Variants in FOCAD observed in about 807,000 individuals in gnomAD.
The protein encoded by FOCAD is focadhesin.
A neutral mutation model predicts 225.6 loss-of-function variants in FOCAD; 198 were observed. The ratio of observed to expected loss-of-function variants is 0.88; its 90% CI spans 0.78 to 0.99. The LOEUF is 0.99. Among genes scored for constraint, FOCAD ranks in the 50% least tolerant of loss-of-function variants. The probability of loss-of-function intolerance (pLI) is 0.00; values close to 1 mark genes in which losing one functional copy is unlikely to be tolerated. For synonymous variants in FOCAD, 897 were observed against 755.0 expected, an observed-to-expected ratio of 1.19 and a Z score of -3.08; for missense variants, 2,713 against 2,123.6, an observed-to-expected ratio of 1.28 and a Z score of -5.46.
chr9:20,852,535 C>T (rs991021385), intron 15 of FOCAD, among the ~76,000 whole-genome samples: 1 of 151,754 alleles, frequency 6.6e-6, no homozygotes, highest in Non-Finnish European at 1.5e-5. Flanking sequence ...GTTTCAGGAA[C>T]TCTCAACATT....
chr9:20,733,230 T>C (rs1210290895), intron 4 of FOCAD, among the ~76,000 whole-genome samples: 3 of 152,188 alleles, frequency 2.0e-5, no homozygotes, highest in African/African-American at 4.8e-5. Context: ...TTAAATGACA[T>C]GTTTTTGTGT....
In FOCAD at chr9:20,944,703, G is replaced by A. The variant is rs758307173; in HGVS notation, c.3484G>A (p.Val1162Ile). 2.7e-5 allele frequency: 43 copies of A among 1,613,974 alleles called. No individual in the cohort carries two copies. The East Asian group carries it at 4.2e-4, about 16-fold the overall frequency. ...CAGCCAAATGCAGTCCCGCGTTCAC[G>A]TAGCAGCATTGCTCCGGAAGCTGTC... ...HSSQMQSRVH[V>I]AALLRKLSAH... Residue 1162 changes from valine to isoleucine, a missense_variant, in exon 29 of 44, where the codon GTA becomes ATA. By Grantham distance (29) the Val-to-Ile change is conservative (BLOSUM62 3). Transcript: ENST00000338382.
chr9:20,669,049 G>T (rs771180451), intron 2 of FOCAD, among the ~76,000 whole-genome samples: 1 of 152,188 alleles, frequency 6.6e-6, no homozygotes, highest in Non-Finnish European at 1.5e-5. Flanking sequence ...GGATGGAAGA[G>T]AAAGAATATT....
intron 29 of FOCAD, among the ~76,000 whole-genome samples, chr9:20,946,440 C>A (rs2132335934): frequency 6.6e-6 from 1 of 152,248 alleles, no homozygotes; most frequent in Middle Eastern, 3.4e-3. Context: ...GGCTTGAATC[C>A]CTCCTTTGTC....
intron 29 of FOCAD, among the ~76,000 whole-genome samples, chr9:20,945,048 C>G (rs558952591): frequency 2.2e-4 from 34 of 152,196 alleles, no homozygotes; most frequent in Non-Finnish European, 4.0e-4. Context: ...CTAAGAAGAG[C>G]TGCAATTTCT....
intron 25 of FOCAD, among the ~76,000 whole-genome samples, chr9:20,924,068 T>A (rs1161444959): frequency 1.3e-5 from 2 of 152,232 alleles, no homozygotes; most frequent in African/African-American, 2.4e-5. Flanking sequence ...CTAGGCTTAC[T>A]GAAAGTGAAC....
chr9:20,777,873 C>T (rs1275326600), intron 8 of FOCAD, among the ~76,000 whole-genome samples: 1 of 151,784 alleles, frequency 6.6e-6, no homozygotes, highest in East Asian at 1.9e-4. Context: ...GAGGCCGAGG[C>T]GGGCGGATCA....
chr9:20,844,349 CTTTTTTTTTTT>C lies in FOCAD; in HGVS notation c.1921-18213_1921-18203del, dbSNP rs58468376. Among the ~76,000 whole-genome samples the C allele has an allele frequency of 2.8e-4, 22 of 77,248 alleles. 1 individual carries two copies. The highest frequency in any genetic ancestry group is 1.7e-3 in the South Asian group (3 of 1,734). 50.7% of individuals were successfully genotyped at this position (77,248 alleles called of 152,430 possible). On this transcript the variant is annotated intron_variant, in intron 15 of 43. Transcript: ENST00000338382. ...ATGGTTCTAACCCTCAGGAAATTTC[CTTTTTTTTTTT>C]TTTTTTTTTTTTTTTGTTGAGACAG...
chr9:20,758,443 C>G (rs1829263055), intron 6 of FOCAD, among the ~76,000 whole-genome samples: 1 of 151,738 alleles, frequency 6.6e-6, no homozygotes. Context: ...TATACATGTG[C>G]CATGCTGGTG....
At chr9:20,662,271 C>T (rs1475050957) in intron 2 of FOCAD, among the ~76,000 whole-genome samples, 2 of 151,988 alleles carry the variant, frequency 1.3e-5, no homozygotes, top group African/African-American at 4.8e-5. Context: ...AGTCCAGATC[C>T]CATTACAAGG....
At chr9:20,765,177 A>G in intron 7 of FOCAD, 104 bp downstream of exon 7, 1 of 956,086 alleles carries the variant, frequency 1.0e-6, no homozygotes, top group South Asian at 1.8e-5. Context: ...GCAAACTCAG[A>G]CATGATCCTC....
chr9:20,910,623 G>T (rs1478563971), intron 22 of FOCAD, among the ~76,000 whole-genome samples: 1 of 151,908 alleles, frequency 6.6e-6, no homozygotes, highest in African/African-American at 2.4e-5. Flanking sequence ...GAATCTACAG[G>T]CAATCCAAAA....
At chr9:20,777,867 C>T (rs1818923931) in intron 8 of FOCAD, among the ~76,000 whole-genome samples, 3 of 151,912 alleles carry the variant, frequency 2.0e-5, no homozygotes, top group East Asian at 1.9e-4. Context: ...CTTTGGGAGG[C>T]CGAGGCGGGC....
At chr9:20,989,223 G>T (rs943227072) in intron 41 of FOCAD, among the ~76,000 whole-genome samples, 1 of 152,138 alleles carries the variant, frequency 6.6e-6, no homozygotes, top group African/African-American at 2.4e-5. Context: ...CTGAAGAGTT[G>T]TATGTCTTTT....
chr9:20,764,927 C>A lies in FOCAD; in HGVS notation c.553C>A (p.Pro185Thr). 6.2e-7 allele frequency: 1 copy of A among 1,614,080 alleles called. No homozygotes were observed. The highest frequency in any genetic ancestry group is 8.5e-7 in the Non-Finnish European group (1 of 1,180,012). Residue 185 changes from proline (P) to threonine (T), a missense_variant, in exon 7 of 44, where the codon CCA becomes ACA. Coordinates refer to ENST00000338382, the MANE Select transcript of FOCAD (RefSeq NM_001375567.1). ...ATTTCTGTGGTATCTGTATTGTGAA[C>A]CATCTCAGTTACAAGAATATGCTAA... ...APFLWYLYCE[P>T]SQLQEYAKLR... is the part of the protein sequence containing the mutation.
At chr9:20,691,512 C>T (rs932456274) in intron 1 of FOCAD, among the ~76,000 whole-genome samples, 9 of 152,046 alleles carry the variant, frequency 5.9e-5, no homozygotes, top group Middle Eastern at 3.4e-3. Context: ...GATGGAGTCT[C>T]GCTCTGTCCC....
At chr9:20,734,874 C>T (rs375698077) in intron 4 of FOCAD, among the ~76,000 whole-genome samples, 13 of 152,142 alleles carry the variant, frequency 8.5e-5, no homozygotes, top group African/African-American at 1.4e-4. Context: ...TGGGCCCAAG[C>T]GATTCGCCCA....
chr9:20,677,893 C>T (rs908124036), intron 2 of FOCAD, among the ~76,000 whole-genome samples: 3 of 152,190 alleles, frequency 2.0e-5, no homozygotes, highest in African/African-American at 4.8e-5. Context: ...TTGTTCACTG[C>T]AGCATTATTC....
At chr9:20,915,615 C>T (rs186136931) in intron 23 of FOCAD, among the ~76,000 whole-genome samples, 3 of 152,164 alleles carry the variant, frequency 2.0e-5, no homozygotes, top group African/African-American at 2.4e-5. Flanking sequence ...AAGGAAATAA[C>T]GAGAGTCATC....
Sources: gnomAD v4.1 joint callset for allele counts (sites outside exome capture counted in the v4.1 genomes callset) on GRCh38, gnomAD v4.1.1 for gene constraint, MANE v1.5 for transcripts, NCBI Gene and HGNC (gene_info 2026-07-23, HGNC 2026-07-21) for gene names.